ZFHX3: variants seen among roughly 807,000 people sequenced by gnomAD.
The protein encoded by ZFHX3 is zinc finger homeobox 3.
A neutral mutation model predicts 279.1 loss-of-function variants in ZFHX3; 42 were observed. That is an observed-to-expected ratio of 0.15 (90% CI 0.12 to 0.19). ZFHX3 has a LOEUF of 0.19. Among genes scored for constraint, ZFHX3 ranks in the 10% least tolerant of loss-of-function variants. The probability of loss-of-function intolerance (pLI) is 1.00; values close to 1 mark genes in which losing one functional copy is unlikely to be tolerated. For missense variants in ZFHX3, 4,981 were observed against 4,754.0 expected (o/e 1.05, Z -1.40); for synonymous variants, 2,293 against 1,957.8 (o/e 1.17, Z -4.52).
chr16:73,755,117 T>C (rs1403736727), intron 1 of ZFHX3, among the ~76,000 whole-genome samples: 1 of 152,204 alleles, frequency 6.6e-6, no homozygotes, highest in Non-Finnish European at 1.5e-5. Context: ...TTCGATGGTT[T>C]GAATCCAGGA....
intron 2 of ZFHX3, among the ~76,000 whole-genome samples, chr16:73,462,944 G>T (rs2018497228): frequency 6.6e-6 from 1 of 152,118 alleles, no homozygotes; most frequent in Admixed American, 6.5e-5. Flanking sequence ...ATTGGAAAGT[G>T]CTTCTTTTCT....
At chr16:73,009,487 C>G (rs1963836260) in intron 1 of ZFHX3, among the ~76,000 whole-genome samples, 1 of 151,950 alleles carries the variant, frequency 6.6e-6, no homozygotes, top group Non-Finnish European at 1.5e-5. Flanking sequence ...AAAAAAAACT[C>G]ATTCCATATG....
rs1368048031 is a variant in ZFHX3, at chr16:72,797,571, G to A, written c.5111C>T (p.Pro1704Leu). 6.2e-6 allele frequency: 10 copies of A among 1,613,950 alleles called. No homozygotes were observed. The African/African-American group carries it at 9.3e-5, about 15-fold the overall frequency. The change falls in exon 9 of 10, where the codon CCT becomes CTT. Residue 1704 changes from proline (P) to leucine (L), a missense_variant. Transcript: ENST00000268489. The part of the protein sequence containing the change: ...GNPIGANIAS[P>L]SEPKEANRKK... ...CCGATTGGCCTCTTTGGGCTCTGAA[G>A]GGGAAGCAATGTTGGCACCAATAGG...
At chr16:73,611,392 G>T (rs2052244865) in intron 2 of ZFHX3, among the ~76,000 whole-genome samples, 1 of 152,084 alleles carries the variant, frequency 6.6e-6, no homozygotes, top group Non-Finnish European at 1.5e-5. Flanking sequence ...GGGGGAGAAA[G>T]CTGTTTCTCA....
intron 5 of ZFHX3, among the ~76,000 whole-genome samples, chr16:72,820,995 C>G (rs1251202610): frequency 6.6e-6 from 1 of 152,160 alleles, no homozygotes; most frequent in African/African-American, 2.4e-5. Flanking sequence ...CTCTGAGACA[C>G]TGCAATATAA....
intron 3 of ZFHX3, among the ~76,000 whole-genome samples, chr16:73,342,777 T>C (rs1370644766): frequency 1.3e-5 from 2 of 152,248 alleles, no homozygotes; most frequent in East Asian, 3.9e-4. Flanking sequence ...AATTTTGACT[T>C]TTATGATCAT....
intron 1 of ZFHX3, among the ~76,000 whole-genome samples, chr16:73,017,332 G>C (rs936947906): frequency 2.6e-5 from 4 of 152,108 alleles, no homozygotes; most frequent in African/African-American, 9.7e-5. Flanking sequence ...GGATTCAGGG[G>C]AGTGGGGTCT....
chr16:73,118,323 C>T (rs1304655279), intron 7 of ZFHX3, among the ~76,000 whole-genome samples: 1 of 152,166 alleles, frequency 6.6e-6, no homozygotes, highest in Non-Finnish European at 1.5e-5. Context: ...ATTCTCGTGC[C>T]TCAGCCTCCT....
chr16:72,929,176 T>C (rs1959651957), intron 3 of ZFHX3, among the ~76,000 whole-genome samples: 2 of 150,718 alleles, frequency 1.3e-5, no homozygotes, highest in Non-Finnish European at 2.9e-5. Context: ...AAGTGGAGGT[T>C]GCAGTGAGCC....
chr16:73,191,006 C>T (rs1968019855), intron 5 of ZFHX3, among the ~76,000 whole-genome samples: 2 of 151,866 alleles, frequency 1.3e-5, no homozygotes, highest in Admixed American at 1.3e-4. Context: ...TTTGCTACCC[C>T]CTAAAAATGG....
At chr16:73,061,018 T>C (rs1227813266), upstream of ZFHX3, 1 of 151,684 alleles carries the variant, frequency 6.6e-6, no homozygotes, top group East Asian at 1.9e-4. Context: ...GCTATTTTAT[T>C]TACGGGGGGC....
intron 2 of ZFHX3, among the ~76,000 whole-genome samples, chr16:73,488,617 A>G (rs1187067610): frequency 2.6e-5 from 4 of 152,212 alleles, no homozygotes; most frequent in Non-Finnish European, 2.9e-5. Context: ...AAAAGCTTCA[A>G]TTATCAAGTT....
At chr16:73,742,767 G>T (rs984891280) in intron 1 of ZFHX3, among the ~76,000 whole-genome samples, 6 of 152,178 alleles carry the variant, frequency 3.9e-5, no homozygotes, top group African/African-American at 1.4e-4. Context: ...CTAGGAATTA[G>T]TTCATGGGTG....
chr16:73,083,931 C>T (rs182169583), intron 8 of ZFHX3, among the ~76,000 whole-genome samples: 27 of 152,308 alleles, frequency 1.8e-4, no homozygotes, highest in Admixed American at 6.5e-4. Context: ...ACCTGTTCTA[C>T]GTGAGGTCTA....
intron 1 of ZFHX3, among the ~76,000 whole-genome samples, chr16:73,883,514 A>G (rs1318324515): frequency 6.6e-6 from 1 of 152,138 alleles, no homozygotes; most frequent in African/African-American, 2.4e-5. Flanking sequence ...CAGTTGCTAC[A>G]GACAACAATG....
At chr16:72,920,566 G>A (rs2039559482) in intron 3 of ZFHX3, among the ~76,000 whole-genome samples, 1 of 151,944 alleles carries the variant, frequency 6.6e-6, no homozygotes, top group South Asian at 2.1e-4. Flanking sequence ...GTAAGCGCCT[G>A]TAATCCCAGC....
intron 4 of ZFHX3, among the ~76,000 whole-genome samples, chr16:73,311,379 G>T (rs1167275335): frequency 6.6e-6 from 1 of 152,134 alleles, no homozygotes; most frequent in Non-Finnish European, 1.5e-5. Context: ...CAGATCACCT[G>T]AGGTCAGAAG....
chr16:73,109,250 T>C (rs747895330), intron 7 of ZFHX3, among the ~76,000 whole-genome samples: 25 of 152,364 alleles, frequency 1.6e-4, no homozygotes, highest in Admixed American at 8.5e-4. Context: ...CGTGTCTTTA[T>C]TACAAAAATG....
chr16:73,785,780 C>T (rs1169532070), intron 1 of ZFHX3, among the ~76,000 whole-genome samples: 1 of 152,188 alleles, frequency 6.6e-6, no homozygotes, highest in Non-Finnish European at 1.5e-5. Context: ...ATTAGGTCTT[C>T]TCTCCTCTCT....
Sources: gnomAD v4.1 joint callset for allele counts (sites outside exome capture counted in the v4.1 genomes callset) on GRCh38, gnomAD v4.1.1 for gene constraint, MANE v1.5 for transcripts, NCBI Gene and HGNC (gene_info 2026-07-23, HGNC 2026-07-21) for gene names.